OFD1: variants seen among roughly 807,000 people sequenced by gnomAD.
OFD1 encodes OFD1 centriole and centriolar satellite protein.
OFD1 carries 12 observed loss-of-function variants against 81.4 expected under a neutral mutation model. The observed-to-expected ratio is 0.15, with a 90% CI of 0.09 to 0.24. The LOEUF (loss-of-function observed/expected upper bound fraction) is 0.24, where lower values mean the gene tolerates loss of function less well. OFD1 is among the 10% of genes least tolerant of loss of function. OFD1 has a pLI of 1.00. For synonymous variants in OFD1, 256 were observed against 263.7 expected, an observed-to-expected ratio of 0.97 and a Z score of 0.28; for missense variants, 685 against 733.9, an observed-to-expected ratio of 0.93 and a Z score of 0.77.
At chrX:13,738,789 TATC>T in intron 3 of OFD1, 54 bp from the exon 4 acceptor site, 1 of 707,404 alleles carries the variant, frequency 1.4e-6, no homozygotes, top group African/African-American at 2.1e-5. Context: ...TATCCTAATT[TATC>T]ATTTAAACAC....
Position 13,760,116 on chromosome X carries a change from C to T in OFD1, c.1656C>T (p.Ala552=), listed in dbSNP as rs773798552. Reference sequence around the variant, plus strand: ...AAATTGGCTTTTTGTACCCTGCAGCCCTAGAGAATGAAGTGTACTGCAATC... The same window carrying T: ...AAATTGGCTTTTTGTACCCTGCAGCTCTAGAGAATGAAGTGTACTGCAATC... ...LKLQLKQTQT[A]LENEVYCNPK... The change falls in exon 16 of 23, where the codon GCC becomes GCT. Residue 552 remains alanine (A), a splice_region_variant and synonymous_variant. Coordinates refer to ENST00000340096, the MANE Select transcript of OFD1 (RefSeq NM_003611.3). 9 of 1,211,484 alleles carry T rather than the reference C, an allele frequency of 7.4e-6. No homozygotes were observed. Among genetic ancestry groups the T allele is most frequent in the Non-Finnish European group, 1.0e-5 (9 of 895,280 alleles).
intron 5 of OFD1, chrX:13,740,273 G>A: frequency 3.0e-6 from 2 of 660,047 alleles, no homozygotes; most frequent in South Asian, 4.5e-5. Context: ...TGTGATTATG[G>A]AAATGTCTGT....
intron 15 of OFD1, among the ~76,000 whole-genome samples, 157 bp from the exon 16 acceptor site, chrX:13,759,956 TAA>T (rs1433574024): frequency 8.9e-6 from 1 of 112,431 alleles, no homozygotes; most frequent in African/African-American, 3.2e-5. Flanking sequence ...AAGCTCTCAG[TAA>T]ATGTTAGTGG....
At chrX:13,718,751 C>T in the OFD1 span, among the ~76,000 whole-genome samples, 1 of 112,118 alleles carries the variant, frequency 8.9e-6, no homozygotes, top group Non-Finnish European at 1.9e-5. Flanking sequence ...ACATCAATTC[C>T]TTAAAGGACA....
upstream of OFD1, chrX:13,734,391 G>C (rs2046761211): frequency 7.0e-6 from 2 of 286,274 alleles, no homozygotes; most frequent in African/African-American, 5.5e-5. Flanking sequence ...AGCCAGCGGA[G>C]GGCTGGCAGG....
chrX:13,733,660 A>G (rs749840056), upstream of OFD1, among the ~76,000 whole-genome samples: 14 of 112,193 alleles, frequency 1.2e-4, no homozygotes, highest in Non-Finnish European at 2.4e-4. Flanking sequence ...CTGTCCTCAC[A>G]GGACTTAGAT....
intron 6 of OFD1, 129 bp downstream of exon 6, chrX:13,744,648 A>G: frequency 2.0e-6 from 1 of 511,230 alleles, no homozygotes; most frequent in Non-Finnish European, 3.5e-6. Flanking sequence ...CAACAAGGGA[A>G]TTCATTTCTG....
At chrX:13,734,691 C>A, upstream of OFD1, 30 of 955,359 alleles carry the variant, frequency 3.1e-5, no homozygotes, top group Non-Finnish European at 3.9e-5. Context: ...CAAGCTCATG[C>A]GCCGTAGCTC....
chrX:13,719,850 A>G, the OFD1 span: 3 of 1,064,362 alleles, frequency 2.8e-6, no homozygotes, highest in Non-Finnish European at 3.9e-6. Flanking sequence ...TCATTACAAT[A>G]GCATAAAAAT....
At chrX:13,741,056 C>G (rs2047077595) in intron 5 of OFD1, among the ~76,000 whole-genome samples, 2 of 110,680 alleles carry the variant, frequency 1.8e-5, no homozygotes, top group Non-Finnish European at 3.8e-5. Flanking sequence ...AGGGGAATCG[C>G]TTGAACCCAG....
intron 8 of OFD1, 129 bp from the exon 9 acceptor site, chrX:13,749,298 T>C: frequency 2.1e-6 from 1 of 484,093 alleles, no homozygotes; most frequent in Non-Finnish European, 3.7e-6. Context: ...AGTCGGAATC[T>C]CTTGAAGGTG....
chrX:13,734,826 G>C lies in OFD1; in HGVS notation c.-246G>C. ...CCCGCCCTCCAGCCGCCTTTGAGTC[G>C]TGCCTGGGTCCTCGCCCTTGCCTCA... On this transcript the variant is annotated 5_prime_UTR_variant, in exon 1 of 23. Transcript: ENST00000340096. 9.3e-7 allele frequency: 1 copy of C among 1,078,867 alleles called. No individual in the cohort carries two copies. Among genetic ancestry groups the C allele is most frequent in the South Asian group, 2.4e-5 (1 of 41,080 alleles). 88.9% of individuals were successfully genotyped at this position (1,078,867 alleles called of 1,213,427 possible).
chrX:13,751,499 G>C (rs990455487), intron 10 of OFD1, 131 bp downstream of exon 10: 2 of 529,795 alleles, frequency 3.8e-6, no homozygotes, highest in Non-Finnish European at 6.1e-6. Context: ...TAGTTTTATC[G>C]ATACAGTCAA....
chrX:13,718,886 TG>T, the OFD1 span, among the ~76,000 whole-genome samples: 1 of 111,589 alleles, frequency 9.0e-6, no homozygotes, highest in Non-Finnish European at 1.9e-5. Flanking sequence ...CCAGGTGTAG[TG>T]GCTCATGTCT....
downstream of OFD1, among the ~76,000 whole-genome samples, chrX:13,770,536 TAGGTTTTTTTGTATTCCAGAGTA>T (rs912622029): frequency 1.8e-5 from 2 of 112,672 alleles, no homozygotes; most frequent in African/African-American, 6.4e-5. Flanking sequence ...CTGTTAGAAC[TAGGTTTTTTTGTATTCCAGAGTA>T]AATCTTTCAA....
the OFD1 span, chrX:13,716,682 G>A: frequency 8.3e-7 from 1 of 1,211,126 alleles, no homozygotes; most frequent in Admixed American, 2.2e-5. Flanking sequence ...GGTCGTCCTA[G>A]ATGACAGTGT....
Position 13,734,984 on chromosome X carries a change from C to A in OFD1, c.-88C>A. Reference sequence around the variant, plus strand: ...AGGGTTCTGAGGGCAGGGATTCCCCCTCGTCTTGGCCCCACCGCCCGGGCT... The same window carrying A: ...AGGGTTCTGAGGGCAGGGATTCCCCATCGTCTTGGCCCCACCGCCCGGGCT... On this transcript the variant is annotated 5_prime_UTR_variant, in exon 1 of 23. Transcript: ENST00000340096. 2 of 1,156,827 alleles carry A rather than the reference C, an allele frequency of 1.7e-6. No individual in the cohort carries two copies. Among genetic ancestry groups the A allele is most frequent in the Non-Finnish European group, 2.3e-6 (2 of 872,343 alleles).
chrX:13,758,073 A>G (rs955181316), intron 14 of OFD1, among the ~76,000 whole-genome samples: 1 of 111,327 alleles, frequency 9.0e-6, no homozygotes, highest in Admixed American at 9.5e-5. Flanking sequence ...TCTCACCCTG[A>G]TAAGTATTAC....
chrX:13,722,208 CAAAAAAAAAAAAAAAA>C, the OFD1 span: 1 of 36,116 alleles, frequency 2.8e-5, no homozygotes, highest in Non-Finnish European at 5.1e-5. Context: ...TAAGCAGCAG[CAAAAAAAAAAAAAAAA>C]AAAAAAAAAA....
Sources: gnomAD v4.1 joint callset for allele counts (sites outside exome capture counted in the v4.1 genomes callset) on GRCh38, gnomAD v4.1.1 for gene constraint, MANE v1.5 for transcripts, NCBI Gene and HGNC (gene_info 2026-07-23, HGNC 2026-07-21) for gene names.